The following GLRA2 variants were observed in gnomAD, a reference collection of about 807,000 sequenced individuals.
GLRA2 encodes glycine receptor subunit alpha-2.
In GLRA2, 11 loss-of-function variants were observed where a neutral mutation model predicts 31.6. That is an observed-to-expected ratio of 0.35 (90% CI 0.22 to 0.58). GLRA2 has a LOEUF of 0.58. Among genes scored for constraint, GLRA2 ranks in the 20% least tolerant of loss-of-function variants. GLRA2 has a pLI of 0.84. For missense variants in GLRA2, 212 were observed against 351.8 expected (o/e 0.60, Z 3.18); for synonymous variants, 132 against 134.0 (o/e 0.99, Z 0.10).
chrX:14,519,939 A>T, the GLRA2 span, among the ~76,000 whole-genome samples: 1 of 112,419 alleles, frequency 8.9e-6, no homozygotes, highest in Non-Finnish European at 1.9e-5. Flanking sequence ...TGCACTAATG[A>T]GTTAGCATCT....
At chrX:14,726,198 A>T (rs1601903292) in intron 8 of GLRA2, among the ~76,000 whole-genome samples, 1 of 112,340 alleles carries the variant, frequency 8.9e-6, no homozygotes. Flanking sequence ...TTCATATAGG[A>T]ATCTTGTCAT....
In GLRA2 at chrX:14,730,529, C is replaced by T. The variant is rs368584181; in HGVS notation, c.*44C>T. ...GGGACCTTCTTGCCTCAGTGTTGTGCTTGTAAATACACAGTGAAATTGTCT... is the reference window on the plus strand; with the variant it reads ...GGGACCTTCTTGCCTCAGTGTTGTGTTTGTAAATACACAGTGAAATTGTCT... On this transcript the variant is annotated 3_prime_UTR_variant, in exon 9 of 9. Transcript: ENST00000218075. 1.2e-6 allele frequency: 1 copy of T among 822,584 alleles called. No individual in the cohort carries two copies. The highest frequency in any genetic ancestry group is 4.9e-5 in the East Asian group (1 of 20,211). The allele number at this position is 822,584 out of a possible 1,213,427, so 67.8% of individuals were successfully genotyped here. A position where few individuals can be genotyped will look rare whatever the true frequency, so the allele number is the denominator to read the frequency against.
chrX:14,688,113 G>C (rs749034162), intron 7 of GLRA2, among the ~76,000 whole-genome samples: 1 of 111,925 alleles, frequency 8.9e-6, no homozygotes, highest in Non-Finnish European at 1.9e-5. Flanking sequence ...CTGCAGAACA[G>C]TGAATGTTGC....
In GLRA2 at chrX:14,731,211, TTAATA is replaced by T. The variant is rs1270772839; in HGVS notation, c.*728_*732del. The T allele has an allele frequency of 1.8e-5, 2 of 112,499 alleles. No individual in the cohort carries two copies. Among genetic ancestry groups the T allele is most frequent in the Non-Finnish European group, 3.8e-5 (2 of 53,299 alleles). 9.3% of individuals were successfully genotyped at this position (112,499 alleles called of 1,213,427 possible). On this transcript the variant is annotated 3_prime_UTR_variant, in exon 9 of 9. Transcript: ENST00000218075. ...TTTACTGTCCATATAGGTGTGCATT[TTAATA>T]TTTTTCTTTCCAAGATAAAATTTTG...
At chrX:14,507,689 CTTTTTTT>C in the GLRA2 span, among the ~76,000 whole-genome samples, 2 of 46,635 alleles carry the variant, frequency 4.3e-5, no homozygotes, top group South Asian at 1.2e-3. Flanking sequence ...GAAAGACATT[CTTTTTTT>C]TTTTTTTTTT....
intron 8 of GLRA2, among the ~76,000 whole-genome samples, chrX:14,692,017 C>T (rs965276470): frequency 1.8e-5 from 2 of 111,806 alleles, no homozygotes; most frequent in African/African-American, 6.5e-5. Flanking sequence ...AGATGTAAAG[C>T]TGAATATTTG....
the GLRA2 span, among the ~76,000 whole-genome samples, chrX:14,517,914 T>C: frequency 9.0e-6 from 1 of 111,299 alleles, no homozygotes; most frequent in Non-Finnish European, 1.9e-5. Context: ...AAATTTATTT[T>C]AATAATATGA....
At chrX:14,630,554 T>C (rs937868824) in intron 7 of GLRA2, among the ~76,000 whole-genome samples, 3 of 111,797 alleles carry the variant, frequency 2.7e-5, no homozygotes, top group African/African-American at 9.7e-5. Context: ...CCCTTTTCTG[T>C]ATCCTCTCCT....
At chrX:14,597,178 A>G (rs1007615519) in intron 4 of GLRA2, among the ~76,000 whole-genome samples, 2 of 111,705 alleles carry the variant, frequency 1.8e-5, no homozygotes, top group African/African-American at 6.5e-5. Flanking sequence ...TACAACTGGG[A>G]GGAAAGATTC....
the GLRA2 span, among the ~76,000 whole-genome samples, chrX:14,523,916 T>C: frequency 8.9e-6 from 1 of 111,810 alleles, no homozygotes; most frequent in Admixed American, 9.5e-5. Context: ...ATAACATCCT[T>C]AGCAGCTGTA....
chrX:14,498,169 A>G, the GLRA2 span, among the ~76,000 whole-genome samples: 1 of 111,219 alleles, frequency 9.0e-6, no homozygotes, highest in African/African-American at 3.3e-5. Context: ...AATTAAAAGA[A>G]AATTATGTGA....
chrX:14,581,669 C>G (rs1185442122), intron 4 of GLRA2, among the ~76,000 whole-genome samples: 5 of 110,248 alleles, frequency 4.5e-5, no homozygotes, highest in African/African-American at 1.7e-4. Context: ...CTGATTGCTT[C>G]AGTAAAGGAA....
chrX:14,649,907 TATGAA>T (rs1485001128), intron 7 of GLRA2, among the ~76,000 whole-genome samples: 1 of 112,134 alleles, frequency 8.9e-6, no homozygotes, highest in Non-Finnish European at 1.9e-5. Flanking sequence ...AGTTGACAAC[TATGAA>T]ATGATTGTTC....
chrX:14,662,845 C>T (rs1204282280), intron 7 of GLRA2, among the ~76,000 whole-genome samples: 2 of 111,817 alleles, frequency 1.8e-5, no homozygotes, highest in Admixed American at 1.9e-4. Context: ...CTTTTGTGTT[C>T]TTGCACATTT....
chrX:14,721,924 G>A (rs2091871659), intron 8 of GLRA2, among the ~76,000 whole-genome samples: 1 of 111,261 alleles, frequency 9.0e-6, no homozygotes, highest in Non-Finnish European at 1.9e-5. Flanking sequence ...AAACAATGTT[G>A]GTAAACTTTT....
intron 7 of GLRA2, among the ~76,000 whole-genome samples, chrX:14,645,116 G>A (rs1326361243): frequency 8.9e-6 from 1 of 111,834 alleles, no homozygotes; most frequent in Non-Finnish European, 1.9e-5. Context: ...AAAAACTGAT[G>A]TGACTTCCAT....
chrX:14,581,697 C>A (rs1222858986), intron 4 of GLRA2, among the ~76,000 whole-genome samples: 1 of 109,168 alleles, frequency 9.2e-6, no homozygotes, highest in Non-Finnish European at 1.9e-5. Context: ...CTATTCCGTT[C>A]AATTGCCATT....
intron 2 of GLRA2, among the ~76,000 whole-genome samples, chrX:14,547,640 C>A (rs1453644417): frequency 9.0e-6 from 1 of 111,523 alleles, no homozygotes; most frequent in Non-Finnish European, 1.9e-5. Flanking sequence ...ATGTTCCAGC[C>A]TCGATGCCCC....
chrX:14,615,951 G>A (rs777365023), intron 7 of GLRA2, among the ~76,000 whole-genome samples: 32 of 110,893 alleles, frequency 2.9e-4, no homozygotes, highest in African/African-American at 9.2e-4. Context: ...GTGTTTCATC[G>A]GTATCTTTCC....
Sources: allele counts gnomAD v4.1 joint callset (sites outside exome capture counted in the v4.1 genomes callset), GRCh38; gene constraint gnomAD v4.1.1; transcripts MANE v1.5; gene names NCBI Gene and HGNC (gene_info 2026-07-23, HGNC 2026-07-21).